The following RBFOX3 variants were observed in gnomAD, a reference collection of about 807,000 sequenced individuals.
The protein encoded by RBFOX3 is RNA binding fox-1 homolog 3.
RBFOX3 carries 17 observed loss-of-function variants against 48.7 expected under a neutral mutation model. That is an observed-to-expected ratio of 0.35 (90% CI 0.24 to 0.52). The LOEUF is 0.52. Ranked by LOEUF, RBFOX3 falls within the 20% of genes least tolerant of loss-of-function variation. The pLI, the probability that RBFOX3 is intolerant of heterozygous loss-of-function variation, is 0.94. For missense variants in RBFOX3, 382 were observed against 497.5 expected, an observed-to-expected ratio of 0.77 and a Z score of 2.21; for synonymous variants, 212 against 209.5, an observed-to-expected ratio of 1.01 and a Z score of -0.10.
intron 1 of RBFOX3, among the ~76,000 whole-genome samples, chr17:79,569,830 G>T (rs2092600760): frequency 6.6e-6 from 1 of 152,206 alleles, no homozygotes; most frequent in Non-Finnish European, 1.5e-5. Flanking sequence ...GATGGATGGT[G>T]AACGGGCAGA....
intron 1 of RBFOX3, among the ~76,000 whole-genome samples, chr17:79,496,038 A>G (rs2081486531): frequency 6.6e-6 from 1 of 152,008 alleles, no homozygotes; most frequent in East Asian, 1.9e-4. Flanking sequence ...GACTGGCTGT[A>G]TGCCACAAAT....
At chr17:79,497,889 C>A (rs1393637907) in intron 1 of RBFOX3, among the ~76,000 whole-genome samples, 1 of 152,212 alleles carries the variant, frequency 6.6e-6, no homozygotes, top group Non-Finnish European at 1.5e-5. Context: ...CTGCAGGACT[C>A]CAGGAGCTTC....
intron 3 of RBFOX3, among the ~76,000 whole-genome samples, chr17:79,272,421 G>A (rs548050507): frequency 3.5e-4 from 54 of 152,306 alleles, no homozygotes; most frequent in African/African-American, 1.1e-3. Flanking sequence ...ACAAGATAAC[G>A]GGAATAACCA....
Position 79,467,787 on chromosome 17 carries a change from G to A in RBFOX3, c.-175+14667C>T, listed in dbSNP as rs1023368938. Among the ~76,000 whole-genome samples the A allele has an allele frequency of 9.3e-3, 1,417 of 152,196 alleles. 19 individuals carry two copies. Among genetic ancestry groups the A allele is most frequent in the African/African-American group, 0.033 (1,351 of 41,496 alleles). Reference sequence around the variant, plus strand: ...TATGGTCTTTGTTCAGAATCACAGTGTTTCTCTCTGCTATGGGCCTTTGAG... The same window carrying A: ...TATGGTCTTTGTTCAGAATCACAGTATTTCTCTCTGCTATGGGCCTTTGAG... On this transcript the variant is annotated intron_variant, in intron 2 of 14. Coordinates refer to ENST00000693108, the MANE Select transcript of RBFOX3 (RefSeq NM_001350451.2).
At chr17:79,101,832 C>G (rs995848463) in intron 8 of RBFOX3, among the ~76,000 whole-genome samples, 188 bp from the exon 9 acceptor site, 2 of 152,198 alleles carry the variant, frequency 1.3e-5, no homozygotes, top group African/African-American at 2.4e-5. Context: ...AAAGCCCCGC[C>G]TGGCCCAGGA....
intron 2 of RBFOX3, among the ~76,000 whole-genome samples, chr17:79,384,870 G>A (rs751786433): frequency 3.9e-5 from 6 of 152,346 alleles, no homozygotes; most frequent in South Asian, 2.1e-4. Flanking sequence ...CGCATCTTCC[G>A]GGGGATGTTT....
At chr17:79,531,393 G>A (rs1474394288) in intron 1 of RBFOX3, among the ~76,000 whole-genome samples, 1 of 152,220 alleles carries the variant, frequency 6.6e-6, no homozygotes, top group African/African-American at 2.4e-5. Flanking sequence ...GCAGCTTGGC[G>A]GCTAAGTGTT....
At chr17:79,592,441 G>A (rs970715823) in intron 1 of RBFOX3, among the ~76,000 whole-genome samples, 17 of 151,978 alleles carry the variant, frequency 1.1e-4, no homozygotes, top group African/African-American at 3.9e-4. Flanking sequence ...GCGTGCATAT[G>A]TGTGTGGACA....
At chr17:79,437,641 G>A (rs1555731988) in intron 2 of RBFOX3, among the ~76,000 whole-genome samples, 1 of 152,180 alleles carries the variant, frequency 6.6e-6, no homozygotes, top group African/African-American at 2.4e-5. Context: ...GGGATGGAGG[G>A]CTGGTCTTCA....
At chr17:79,640,876 C>G in the RBFOX3 span, among the ~76,000 whole-genome samples, 1 of 152,054 alleles carries the variant, frequency 6.6e-6, no homozygotes, top group South Asian at 2.1e-4. Context: ...GGGAAAAAAA[C>G]TTCTTAACAT....
intron 1 of RBFOX3, among the ~76,000 whole-genome samples, chr17:79,555,144 T>C (rs1452537398): frequency 2.0e-5 from 3 of 152,178 alleles, no homozygotes; most frequent in African/African-American, 7.2e-5. Context: ...ACCTGTGAAA[T>C]AGGGAGAAGA....
intron 1 of RBFOX3, among the ~76,000 whole-genome samples, chr17:79,486,022 C>A (rs994959305): frequency 2.0e-5 from 3 of 152,284 alleles, no homozygotes; most frequent in Non-Finnish European, 4.4e-5. Context: ...CGCTCCTGTA[C>A]CCCACGCCCC....
chr17:79,413,980 T>A (rs57512076), intron 2 of RBFOX3, among the ~76,000 whole-genome samples: 31,549 of 151,260 alleles, frequency 0.21, 3,528 homozygotes, highest in Admixed American at 0.29. Flanking sequence ...TGTGAAGCTG[T>A]GTCTCAGGGG....
intron 2 of RBFOX3, among the ~76,000 whole-genome samples, chr17:79,460,415 C>A (rs1158840779): frequency 1.3e-5 from 2 of 152,156 alleles, no homozygotes; most frequent in East Asian, 3.8e-4. Context: ...ACAGTCAGCT[C>A]CCCAGAATCA....
chr17:79,454,885 C>T (rs2074207732), intron 2 of RBFOX3, among the ~76,000 whole-genome samples: 1 of 152,216 alleles, frequency 6.6e-6, no homozygotes, highest in Admixed American at 6.5e-5. Flanking sequence ...TATTCAAGGC[C>T]TGGGGTTTGG....
chr17:79,452,964 C>A (rs535982249), intron 2 of RBFOX3, among the ~76,000 whole-genome samples: 31 of 152,332 alleles, frequency 2.0e-4, no homozygotes, highest in African/African-American at 7.2e-4. Flanking sequence ...CCTCCAACAC[C>A]CACTGAGACG....
intron 1 of RBFOX3, among the ~76,000 whole-genome samples, chr17:79,511,811 A>G (rs1390469194): frequency 0.014 from 1,127 of 77,846 alleles, no homozygotes; most frequent in Middle Eastern, 0.026. Flanking sequence ...CATGGCCAGG[A>G]GACACACATC....
chr17:79,664,321 C>T, the RBFOX3 span, among the ~76,000 whole-genome samples: 8 of 151,160 alleles, frequency 5.3e-5, no homozygotes, highest in South Asian at 2.1e-4. Flanking sequence ...ATTACAGGCA[C>T]GTGCCACCAT....
At chr17:79,475,188 C>T (rs981432260) in intron 2 of RBFOX3, among the ~76,000 whole-genome samples, 28 of 152,246 alleles carry the variant, frequency 1.8e-4, no homozygotes, top group African/African-American at 5.5e-4. Flanking sequence ...CTCAGCTCAT[C>T]GTTCCAGGTG....
Sources: gnomAD v4.1 joint callset for allele counts (sites outside exome capture counted in the v4.1 genomes callset) on GRCh38, gnomAD v4.1.1 for gene constraint, MANE v1.5 for transcripts, NCBI Gene and HGNC (gene_info 2026-07-23, HGNC 2026-07-21) for gene names.